ABTB2: variants seen among roughly 807,000 people sequenced by gnomAD.
ABTB2 encodes ankyrin repeat and BTB domain containing 2.
In ABTB2, 56 loss-of-function variants were observed where a neutral mutation model predicts 104.1. The ratio of observed to expected loss-of-function variants is 0.54; its 90% CI spans 0.43 to 0.67. ABTB2 has a LOEUF of 0.67. Among genes scored for constraint, ABTB2 ranks in the 30% least tolerant of loss-of-function variants. The pLI is 0.00. For synonymous variants in ABTB2, 606 were observed against 608.2 expected (o/e 1.00, Z 0.05); for missense variants, 1,279 against 1,407.7 (o/e 0.91, Z 1.46).
chr11:34,343,458 GAC>G (rs34015970), intron 1 of ABTB2, among the ~76,000 whole-genome samples: 60,638 of 120,330 alleles, frequency 0.5, 14,602 homozygotes, highest in East Asian at 0.82. Flanking sequence ...CAGACAGACA[GAC>G]ACACACACAC....
At chr11:34,256,662 C>T (rs557635578) in intron 1 of ABTB2, among the ~76,000 whole-genome samples, 12 of 152,188 alleles carry the variant, frequency 7.9e-5, no homozygotes, top group Admixed American at 3.3e-4. Flanking sequence ...TGGTGGAGGA[C>T]GAGGTTGGTG....
At chr11:34,185,051 G>T (rs532453588) in intron 3 of ABTB2, among the ~76,000 whole-genome samples, 2 of 152,340 alleles carry the variant, frequency 1.3e-5, no homozygotes, top group South Asian at 4.1e-4. Context: ...AGGGTTGGGG[G>T]ACTTTTGTTT....
chr11:34,303,474 A>G (rs1177115604), intron 1 of ABTB2, among the ~76,000 whole-genome samples: 3 of 152,200 alleles, frequency 2.0e-5, no homozygotes, highest in Non-Finnish European at 2.9e-5. Context: ...TTCCACCCAC[A>G]GGAGGAAGAA....
At chr11:34,182,568 T>C (rs1853044384) in intron 3 of ABTB2, among the ~76,000 whole-genome samples, 1 of 149,348 alleles carries the variant, frequency 6.7e-6, no homozygotes, top group Non-Finnish European at 1.5e-5. Context: ...AGATGAAGCT[T>C]GCCCAGATAC....
At chr11:34,308,875 A>AAAAAAAAG (rs1424356896) in intron 1 of ABTB2, among the ~76,000 whole-genome samples, 1 of 139,014 alleles carries the variant, frequency 7.2e-6, no homozygotes, top group Non-Finnish European at 1.6e-5. Flanking sequence ...TCTCAAAAAA[A>AAAAAAAAG]AAAAAAAAAA....
chr11:34,213,813 T>TGGGC (rs1853515609), intron 1 of ABTB2, among the ~76,000 whole-genome samples: 1 of 152,198 alleles, frequency 6.6e-6, no homozygotes, highest in South Asian at 2.1e-4. Flanking sequence ...ACCAGTGCAA[T>TGGGC]AGTCACAACA....
chr11:34,224,686 T>C (rs895696621), intron 1 of ABTB2, among the ~76,000 whole-genome samples: 1 of 152,096 alleles, frequency 6.6e-6, no homozygotes, highest in Non-Finnish European at 1.5e-5. Flanking sequence ...GCACCTACTC[T>C]CAAAGACTGA....
chr11:34,301,264 C>G (rs1342974099), intron 1 of ABTB2, among the ~76,000 whole-genome samples: 1 of 151,998 alleles, frequency 6.6e-6, no homozygotes, highest in South Asian at 2.1e-4. Context: ...CCTTCTTTCC[C>G]GTAGTTAGTG....
chr11:34,230,881 T>G (rs757641977), intron 1 of ABTB2, among the ~76,000 whole-genome samples: 2 of 152,194 alleles, frequency 1.3e-5, no homozygotes, highest in African/African-American at 2.4e-5. Flanking sequence ...CTCTTTTTCT[T>G]TTTCTTTTTT....
At chr11:34,197,568 G>C in intron 2 of ABTB2, 30 bp from the exon 3 acceptor site, 1 of 1,436,410 alleles carries the variant, frequency 7.0e-7, no homozygotes, top group Middle Eastern at 2.3e-4. Context: ...GCAGAGGGGA[G>C]GAAGAGAAAA....
At chr11:34,285,970 A>G (rs1417977826) in intron 1 of ABTB2, among the ~76,000 whole-genome samples, 2 of 152,100 alleles carry the variant, frequency 1.3e-5, no homozygotes, top group African/African-American at 4.8e-5. Flanking sequence ...AATAAATTCA[A>G]CTCAATGACC....
chr11:34,176,729 T>G (rs929577054), intron 3 of ABTB2, among the ~76,000 whole-genome samples: 1 of 152,242 alleles, frequency 6.6e-6, no homozygotes, highest in Non-Finnish European at 1.5e-5. Context: ...CTTACTATAG[T>G]GTACCCAGGT....
At chr11:34,178,831 T>C (rs1031002506) in intron 3 of ABTB2, among the ~76,000 whole-genome samples, 1 of 152,122 alleles carries the variant, frequency 6.6e-6, no homozygotes, top group Admixed American at 6.5e-5. Flanking sequence ...ATCCCAGCAC[T>C]TTGGAAGGCT....
intron 14 of ABTB2, among the ~76,000 whole-genome samples, chr11:34,158,397 T>G (rs1852659094): frequency 6.6e-6 from 1 of 151,874 alleles, no homozygotes; most frequent in Non-Finnish European, 1.5e-5. Context: ...TGGGCGACAG[T>G]GAGACTCCGT....
At chr11:34,326,829 G>C (rs894481337) in intron 1 of ABTB2, among the ~76,000 whole-genome samples, 12 of 152,152 alleles carry the variant, frequency 7.9e-5, no homozygotes, top group African/African-American at 2.9e-4. Flanking sequence ...CAGCACTTTG[G>C]GAGGCTGAGG....
intron 3 of ABTB2, among the ~76,000 whole-genome samples, chr11:34,194,675 C>T (rs1362180082): frequency 6.6e-6 from 1 of 151,980 alleles, no homozygotes; most frequent in East Asian, 1.9e-4. Context: ...AGCAGATCTG[C>T]TCAGCGACAG....
chr11:34,178,667 C>A (rs1852986705), intron 3 of ABTB2, among the ~76,000 whole-genome samples: 1 of 152,196 alleles, frequency 6.6e-6, no homozygotes, highest in Non-Finnish European at 1.5e-5. Context: ...CGGGTCGGGG[C>A]TGAAAAAGCT....
Position 34,204,656 on chromosome 11 carries a change from G to A in ABTB2, c.918C>T (p.Tyr306=). ...VLSLPAYFSP[Y]NGGSLGHDER... ...CGTCATGGCCCAGGGACCCGCCGTTGTAGGGGCTGAAGTATGCGGGGAGGG... is the reference window on the plus strand; with the variant it reads ...CGTCATGGCCCAGGGACCCGCCGTTATAGGGGCTGAAGTATGCGGGGAGGG... Residue 306 remains tyrosine, a synonymous_variant, in exon 2 of 17, where the codon TAC becomes TAT. Coordinates refer to ENST00000435224, the MANE Select transcript of ABTB2 (RefSeq NM_145804.3). 6.2e-7 allele frequency: 1 copy of A among 1,614,044 alleles called. No individual in the cohort carries two copies.
rs1209002171 is a variant in ABTB2 at position 34,266,556 on chromosome 11, T to A, written c.884-61866A>T. ...GTTATTTCTGAGCAAAGGCCTTAAT[T>A]GTTCTCTACAGCATGAACTCCTCTA... On this transcript the variant is annotated intron_variant, in intron 1 of 16. Coordinates refer to ENST00000435224, the MANE Select transcript of ABTB2 (RefSeq NM_145804.3). Among the ~76,000 whole-genome samples, 3 of 152,188 alleles carry A rather than the reference T, an allele frequency of 2.0e-5. No individual in the cohort carries two copies. The East Asian group carries it at 5.8e-4, about 29-fold the overall frequency.
Sources: allele counts gnomAD v4.1 joint callset (sites outside exome capture counted in the v4.1 genomes callset), GRCh38; gene constraint gnomAD v4.1.1; transcripts MANE v1.5; gene names NCBI Gene and HGNC (gene_info 2026-07-23, HGNC 2026-07-21).